The following CNTN5 variants were observed in gnomAD, a reference collection of about 807,000 sequenced individuals.
CNTN5 encodes contactin 5.
A neutral mutation model predicts 129.1 loss-of-function variants in CNTN5; 77 were observed. The observed-to-expected ratio is 0.60, with a 90% CI of 0.50 to 0.72. CNTN5 has a LOEUF of 0.72. Among genes scored for constraint, CNTN5 ranks in the 30% least tolerant of loss-of-function variants. The pLI is 0.00. For synonymous variants in CNTN5, 509 were observed against 465.6 expected, an observed-to-expected ratio of 1.09 and a Z score of -1.20; for missense variants, 1,478 against 1,328.8, an observed-to-expected ratio of 1.11 and a Z score of -1.75.
chr11:99,811,724 C>T (rs899540922), intron 3 of CNTN5, among the ~76,000 whole-genome samples: 3 of 151,880 alleles, frequency 2.0e-5, no homozygotes, highest in Non-Finnish European at 2.9e-5. Context: ...TTTACTCCTA[C>T]CCAACCTCCA....
intron 6 of CNTN5, among the ~76,000 whole-genome samples, chr11:99,858,750 TTTG>T (rs1948118986): frequency 2.0e-5 from 3 of 151,436 alleles, no homozygotes; most frequent in Admixed American, 6.6e-5. Flanking sequence ...AAAAAAAGGC[TTTG>T]CTCATAAAAT....
chr11:100,259,756 A>G (rs544632528), intron 17 of CNTN5, among the ~76,000 whole-genome samples: 6 of 152,330 alleles, frequency 3.9e-5, no homozygotes, highest in African/African-American at 1.2e-4. Flanking sequence ...ATGAGAACAA[A>G]GAGACAACAT....
At chr11:99,230,075 T>G (rs1390865656) in intron 1 of CNTN5, among the ~76,000 whole-genome samples, 10 of 152,126 alleles carry the variant, frequency 6.6e-5, no homozygotes, top group Non-Finnish European at 1.5e-4. Flanking sequence ...GATTTCTGTC[T>G]GGAATAAAAC....
rs770920465 is a variant in CNTN5, at chr11:99,560,844, A to G, written c.55+4575A>G. On this transcript the variant is annotated intron_variant, in intron 3 of 24. Transcript: ENST00000524871. Reference sequence around the variant, plus strand: ...TTGGTGTGGGAGATTACAATAAGCAAGAGAAGAAGTTTAGAATGATCCATG... The same window carrying G: ...TTGGTGTGGGAGATTACAATAAGCAGGAGAAGAAGTTTAGAATGATCCATG... 1.3e-3 allele frequency among the ~76,000 whole-genome samples: 201 copies of G among 152,262 alleles called. 3 individuals are homozygous for G. Among genetic ancestry groups the G allele is most frequent in the Admixed American group, 7.8e-4 (12 of 15,294 alleles).
At chr11:99,065,502 C>T (rs1024890099) in intron 1 of CNTN5, among the ~76,000 whole-genome samples, 5 of 152,252 alleles carry the variant, frequency 3.3e-5, no homozygotes, top group Admixed American at 2.6e-4. Flanking sequence ...AACATATCTC[C>T]TCTACTGTCA....
intron 2 of CNTN5, among the ~76,000 whole-genome samples, chr11:99,519,840 TA>T (rs1947206095): frequency 6.6e-6 from 1 of 152,126 alleles, no homozygotes; most frequent in African/African-American, 2.4e-5. Flanking sequence ...TCACCCTAAC[TA>T]GACTGCAGGT....
chr11:100,289,730 A>G (rs1345806063), intron 18 of CNTN5, among the ~76,000 whole-genome samples: 1 of 150,488 alleles, frequency 6.6e-6, no homozygotes, highest in Non-Finnish European at 1.5e-5. Context: ...CACCACTCCT[A>G]TTCAACATAG....
chr11:99,713,758 G>A lies in CNTN5; in HGVS notation c.56-105786G>A, dbSNP rs183274208. ...AAGTTTGAATGTGGTCAAACCTGGG[G>A]CATTTTATTGTAGAAAGTAAATTGA... is the stretch of plus-strand genomic sequence containing the variant. On this transcript the variant is annotated intron_variant, in intron 3 of 24. Transcript: ENST00000524871. 1.1e-3 allele frequency among the ~76,000 whole-genome samples: 172 copies of A among 151,976 alleles called. 1 individual carries two copies. Among genetic ancestry groups the A allele is most frequent in the African/African-American group, 2.7e-3 (114 of 41,496 alleles).
intron 3 of CNTN5, among the ~76,000 whole-genome samples, chr11:99,781,330 A>C (rs890888234): frequency 1.3e-5 from 2 of 152,192 alleles, no homozygotes; most frequent in Admixed American, 1.3e-4. Flanking sequence ...ATTTTGTGAA[A>C]TGACTTATTT....
intron 2 of CNTN5, among the ~76,000 whole-genome samples, chr11:99,352,659 G>A (rs1479332481): frequency 6.6e-6 from 1 of 151,972 alleles, no homozygotes; most frequent in Non-Finnish European, 1.5e-5. Flanking sequence ...TAGATATTCA[G>A]TTAGCTCACA....
At chr11:100,139,494 G>T (rs534224296) in intron 13 of CNTN5, among the ~76,000 whole-genome samples, 2 of 152,254 alleles carry the variant, frequency 1.3e-5, no homozygotes, top group East Asian at 1.9e-4. Flanking sequence ...TAGTAACATA[G>T]AATTCAGTGG....
At chr11:99,480,708 A>AT (rs1465538921) in intron 2 of CNTN5, among the ~76,000 whole-genome samples, 9 of 151,700 alleles carry the variant, frequency 5.9e-5, no homozygotes, top group South Asian at 2.1e-4. Flanking sequence ...ATGTATAGTC[A>AT]TTTTTTTTGT....
intron 7 of CNTN5, among the ~76,000 whole-genome samples, chr11:99,930,226 G>A (rs992824175): frequency 6.6e-6 from 1 of 152,090 alleles, no homozygotes; most frequent in African/African-American, 2.4e-5. Context: ...TGATCAAACT[G>A]CCATTTTGCT....
intron 1 of CNTN5, among the ~76,000 whole-genome samples, chr11:99,291,867 AG>A (rs1275931343): frequency 6.6e-6 from 1 of 152,062 alleles, no homozygotes; most frequent in Admixed American, 6.6e-5. Context: ...ATTCATACAA[AG>A]AAAAAAAAGC....
At chr11:99,776,068 A>AT (rs1161443636) in intron 3 of CNTN5, among the ~76,000 whole-genome samples, 1 of 151,926 alleles carries the variant, frequency 6.6e-6, no homozygotes, top group Non-Finnish European at 1.5e-5. Context: ...CCTTGAAATG[A>AT]TTTTCATTTT....
intron 21 of CNTN5, among the ~76,000 whole-genome samples, chr11:100,314,654 G>A (rs1951542251): frequency 1.3e-5 from 2 of 152,032 alleles, no homozygotes; most frequent in South Asian, 4.1e-4. Context: ...ACTAATTGAG[G>A]GAAGCTACAC....
intron 2 of CNTN5, among the ~76,000 whole-genome samples, chr11:99,450,768 G>GTTTTTTTTTTT (rs34146715): frequency 3.0e-4 from 32 of 105,002 alleles, no homozygotes; most frequent in Non-Finnish European, 4.0e-4. Context: ...ATTGAAGCAA[G>GTTTTTTTTTTT]TTTTTTTTTT....
chr11:99,122,641 C>T (rs974990649), intron 1 of CNTN5, among the ~76,000 whole-genome samples: 6 of 152,056 alleles, frequency 3.9e-5, no homozygotes, highest in African/African-American at 7.2e-5. Flanking sequence ...TATTTAGTCA[C>T]GTAGGTAATA....
At chr11:99,063,566 G>A (rs1041182463) in intron 1 of CNTN5, among the ~76,000 whole-genome samples, 5 of 151,738 alleles carry the variant, frequency 3.3e-5, no homozygotes, top group African/African-American at 9.7e-5. Flanking sequence ...ATGAGCATAT[G>A]TGTGCCTGCA....
Sources: gnomAD v4.1 joint callset for allele counts (sites outside exome capture counted in the v4.1 genomes callset) on GRCh38, gnomAD v4.1.1 for gene constraint, MANE v1.5 for transcripts, NCBI Gene and HGNC (gene_info 2026-07-23, HGNC 2026-07-21) for gene names.